ROBO2: variants seen among roughly 807,000 people sequenced by gnomAD.
ROBO2 encodes roundabout guidance receptor 2.
A neutral mutation model predicts 160.8 loss-of-function variants in ROBO2; 53 were observed. That is an observed-to-expected ratio of 0.33 (90% CI 0.26 to 0.41). ROBO2 has a LOEUF of 0.41. ROBO2 is among the 10% of genes least tolerant of loss of function. The pLI is 1.00. For synonymous variants in ROBO2, 664 were observed against 611.7 expected (o/e 1.09, Z -1.26); for missense variants, 1,577 against 1,722.4 (o/e 0.92, Z 1.49).
At chr3:76,520,620 T>C (rs915775978) in intron 2 of ROBO2, among the ~76,000 whole-genome samples, 5 of 152,132 alleles carry the variant, frequency 3.3e-5, no homozygotes, top group Admixed American at 6.5e-5. Context: ...TCCAAATCAA[T>C]AATGTGACCA....
At chr3:76,567,808 T>TATATATA (rs56837327) in intron 2 of ROBO2, among the ~76,000 whole-genome samples, 2 of 64,462 alleles carry the variant, frequency 3.1e-5, no homozygotes, top group Admixed American at 2.4e-4. Flanking sequence ...TATATATATA[T>TATATATA]TTTTTTTTTT....
intron 2 of ROBO2, among the ~76,000 whole-genome samples, chr3:77,032,521 G>A (rs1330619039): frequency 6.6e-6 from 1 of 151,964 alleles, no homozygotes; most frequent in African/African-American, 2.4e-5. Flanking sequence ...GTCCTGAGAA[G>A]AAGTATATTG....
At chr3:76,585,126 A>G (rs1387279148) in intron 2 of ROBO2, among the ~76,000 whole-genome samples, 1 of 152,192 alleles carries the variant, frequency 6.6e-6, no homozygotes, top group African/African-American at 2.4e-5. Context: ...GGTTCCAACC[A>G]CATGTAGCAT....
At chr3:76,312,746 G>T (rs147645872) in intron 2 of ROBO2, among the ~76,000 whole-genome samples, 71 of 152,270 alleles carry the variant, frequency 4.7e-4, no homozygotes, top group African/African-American at 1.7e-3. Flanking sequence ...CTTACATATG[G>T]TCAGTACCTA....
intron 20 of ROBO2, among the ~76,000 whole-genome samples, chr3:77,605,523 T>C (rs930554049): frequency 3.9e-4 from 60 of 152,156 alleles, no homozygotes; most frequent in Admixed American, 2.4e-3. Context: ...GAAGAGAAAG[T>C]GATTGTTGGA....
chr3:77,410,555 T>TTCCTCTTCTTCCTCCTCCTCTTCCTCC (rs2076639854), intron 2 of ROBO2, among the ~76,000 whole-genome samples: 1 of 42,224 alleles, frequency 2.4e-5, no homozygotes, highest in African/African-American at 7.6e-5. Flanking sequence ...CCTCCTCTTC[T>TTCCTCTTCTTCCTCCTCCTCTTCCTCC]TCCTCCTCTT....
intron 21 of ROBO2, among the ~76,000 whole-genome samples, chr3:77,611,413 G>A (rs1000164478): frequency 6.6e-6 from 1 of 152,074 alleles, no homozygotes; most frequent in African/African-American, 2.4e-5. Flanking sequence ...TACAGATGAT[G>A]GATTGGAGGA....
At chr3:76,671,875 C>A (rs934031322) in intron 2 of ROBO2, among the ~76,000 whole-genome samples, 1 of 151,474 alleles carries the variant, frequency 6.6e-6, no homozygotes, top group Non-Finnish European at 1.5e-5. Flanking sequence ...AATCTAGAAG[C>A]CTTAATTTAA....
rs9840793 is a variant in ROBO2, at chr3:76,105,302, A to T, written c.109+167700A>T. Among the ~76,000 whole-genome samples the T allele has an allele frequency of 7.9e-5, 12 of 152,208 alleles. No homozygotes were observed. In the South Asian group the frequency reaches 1.9e-3, roughly 24 times the overall value. ...GGAAACAGAATTAAGCAAGAATTGCACACCTTCTATAAAGAAAATAACAAA... is the reference window on the plus strand; with the variant it reads ...GGAAACAGAATTAAGCAAGAATTGCTCACCTTCTATAAAGAAAATAACAAA... On this transcript the variant is annotated intron_variant, in intron 2 of 26. Coordinates refer to the ROBO2 transcript ENST00000487694.
intron 2 of ROBO2, among the ~76,000 whole-genome samples, chr3:77,261,666 G>T (rs2058781811): frequency 6.6e-6 from 1 of 152,022 alleles, no homozygotes; most frequent in African/African-American, 2.4e-5. Flanking sequence ...GAGGGGGGTG[G>T]TGCATGTATT....
intron 2 of ROBO2, among the ~76,000 whole-genome samples, chr3:76,071,103 C>A (rs1161764053): frequency 6.6e-6 from 1 of 151,968 alleles, no homozygotes; most frequent in Non-Finnish European, 1.5e-5. Flanking sequence ...AATTTCAGGG[C>A]CTGTAGTTTG....
At chr3:75,921,229 G>A (rs1044394776) in intron 1 of ROBO2, among the ~76,000 whole-genome samples, 3 of 151,816 alleles carry the variant, frequency 2.0e-5, no homozygotes, top group Non-Finnish European at 4.4e-5. Flanking sequence ...AGGACTGATG[G>A]TGACTAAATC....
intron 5 of ROBO2, among the ~76,000 whole-genome samples, chr3:77,513,516 T>A (rs1032138708): frequency 7.2e-5 from 11 of 151,980 alleles, no homozygotes; most frequent in African/African-American, 2.4e-4. Context: ...GTGTAGTACT[T>A]TTTTTCTTAA....
intron 2 of ROBO2, among the ~76,000 whole-genome samples, chr3:76,500,232 C>A: frequency 6.6e-6 from 1 of 152,102 alleles, no homozygotes; most frequent in Non-Finnish European, 1.5e-5. Context: ...AATCCTACTG[C>A]CTCAGCCTCC....
intron 2 of ROBO2, among the ~76,000 whole-genome samples, chr3:76,783,518 T>C (rs533344022): frequency 1.1e-3 from 167 of 150,396 alleles, no homozygotes; most frequent in African/African-American, 3.5e-3. Flanking sequence ...TTCTTTCTTT[T>C]TTTTTTTTTT....
intron 2 of ROBO2, among the ~76,000 whole-genome samples, chr3:75,970,228 T>C (rs560917112): frequency 6.6e-6 from 1 of 151,666 alleles, no homozygotes; most frequent in South Asian, 2.1e-4. Flanking sequence ...TGGAAAGACA[T>C]TTATTGTTCA....
At chr3:76,580,388 A>G (rs1316811707) in intron 2 of ROBO2, among the ~76,000 whole-genome samples, 1 of 114,730 alleles carries the variant, frequency 8.7e-6, no homozygotes, top group Non-Finnish European at 1.7e-5. Flanking sequence ...TTGGTCTGAC[A>G]GTATCTTCAG....
At chr3:77,257,668 G>A (rs1391569966) in intron 2 of ROBO2, among the ~76,000 whole-genome samples, 2 of 152,200 alleles carry the variant, frequency 1.3e-5, no homozygotes, top group Non-Finnish European at 2.9e-5. Flanking sequence ...TGGGTTTTCA[G>A]CAACATTAGC....
intron 2 of ROBO2, among the ~76,000 whole-genome samples, chr3:77,212,091 G>T (rs2084254841): frequency 6.6e-6 from 1 of 152,124 alleles, no homozygotes; most frequent in African/African-American, 2.4e-5. Context: ...CTTGAAAGTA[G>T]TTTTTTCCAA....
Sources: allele counts gnomAD v4.1 joint callset (sites outside exome capture counted in the v4.1 genomes callset), GRCh38; gene constraint gnomAD v4.1.1; transcripts MANE v1.5; gene names NCBI Gene and HGNC (gene_info 2026-07-23, HGNC 2026-07-21).